Variants in CASQ1 observed in about 807,000 individuals in gnomAD.
CASQ1 encodes the protein calsequestrin 1.
CASQ1 carries 40 observed loss-of-function variants against 49.5 expected under a neutral mutation model. The observed-to-expected ratio is 0.81, with a 90% CI of 0.63 to 1.05. The LOEUF is 1.05. Ranked by LOEUF, CASQ1 falls within the 50% of genes least tolerant of loss-of-function variation. The pLI, the probability that CASQ1 is intolerant of heterozygous loss-of-function variation, is 0.00. For missense variants in CASQ1, 469 were observed against 486.9 expected, an observed-to-expected ratio of 0.96 and a Z score of 0.35; for synonymous variants, 174 against 187.2, an observed-to-expected ratio of 0.93 and a Z score of 0.58.
At chr1:160,199,752 TG>T (rs1654327277) in intron 9 of CASQ1, 98 bp from the exon 10 acceptor site, 2 of 802,206 alleles carry the variant, frequency 2.5e-6, no homozygotes, top group Non-Finnish European at 4.4e-6. Flanking sequence ...CAGTTCGCAC[TG>T]TCCCCTCTCC....
intron 1 of CASQ1, among the ~76,000 whole-genome samples, chr1:160,191,445 C>T (rs1654073647): frequency 6.6e-6 from 1 of 152,174 alleles, no homozygotes; most frequent in Non-Finnish European, 1.5e-5. Flanking sequence ...ACTTCAGGGG[C>T]TGCACCCCAA....
chr1:160,199,590 C>T (rs927891198), intron 9 of CASQ1, among the ~76,000 whole-genome samples: 5 of 152,174 alleles, frequency 3.3e-5, no homozygotes, highest in African/African-American at 1.2e-4. Context: ...AGGATCAGAA[C>T]AGGGTTTCCT....
At chr1:160,195,767 G>T in intron 5 of CASQ1, 130 bp from the exon 6 acceptor site, 1 of 1,047,236 alleles carries the variant, frequency 9.5e-7, no homozygotes, top group Non-Finnish European at 1.4e-6. Context: ...CACTTGTCAG[G>T]TGTCACAGTG....
At chr1:160,192,399 C>A (rs1654099161) in intron 1 of CASQ1, among the ~76,000 whole-genome samples, 1 of 151,306 alleles carries the variant, frequency 6.6e-6, no homozygotes, top group African/African-American at 2.4e-5. Flanking sequence ...AGATCAACCC[C>A]ACACTGAGCT....
Position 160,190,805 on chromosome 1 carries a change from A to ACTGCTGTTGCTGCTGGTG in CASQ1, c.57_74dup (p.Leu20_Leu25dup). ...GAGCTGTGCCGGGTCTGCGGCTGGC[A>ACTGCTGTTGCTGCTGGTG]CTGCTGTTGCTGCTGGTGCTAGGGA... On this transcript the variant is annotated inframe_insertion, in exon 1 of 11. Transcript: ENST00000368078. 1.2e-6 allele frequency: 2 copies of ACTGCTGTTGCTGCTGGTG among 1,614,148 alleles called. No homozygotes were observed. The highest frequency in any genetic ancestry group is 1.7e-6 in the Non-Finnish European group (2 of 1,180,014).
intron 6 of CASQ1, 91 bp from the exon 7 acceptor site, chr1:160,197,478 C>A: frequency 1.1e-6 from 1 of 905,792 alleles, no homozygotes; most frequent in Non-Finnish European, 1.9e-6. Context: ...GTGCCCTGGG[C>A]CTGACCTAGA....
chr1:160,197,384 C>T (rs1354273429), intron 6 of CASQ1, among the ~76,000 whole-genome samples, 185 bp from the exon 7 acceptor site: 1 of 152,252 alleles, frequency 6.6e-6, no homozygotes, highest in Non-Finnish European at 1.5e-5. Context: ...CCCTCTCCCA[C>T]CGCTTTAACC....
intron 6 of CASQ1, among the ~76,000 whole-genome samples, chr1:160,197,342 C>T (rs993348661): frequency 6.6e-6 from 1 of 152,180 alleles, no homozygotes; most frequent in Admixed American, 6.5e-5. Flanking sequence ...CTTTCTCCCC[C>T]AGTCTCTCTT....
chr1:160,199,520 A>T (rs1486500479), intron 9 of CASQ1, among the ~76,000 whole-genome samples: 1 of 152,224 alleles, frequency 6.6e-6, no homozygotes, highest in Non-Finnish European at 1.5e-5. Flanking sequence ...CTTATTTTAG[A>T]AATGTAAGAT....
chr1:160,197,756 T>A (rs188372975), intron 7 of CASQ1, 142 bp downstream of exon 7: 1 of 659,672 alleles, frequency 1.5e-6, no homozygotes, highest in Non-Finnish European at 2.8e-6. Context: ...TGGTGGCTCA[T>A]GCCTGTAATC....
At chr1:160,195,806 T>G in intron 5 of CASQ1, 91 bp from the exon 6 acceptor site, 2 of 1,387,474 alleles carry the variant, frequency 1.4e-6, no homozygotes, top group Non-Finnish European at 2.0e-6. Flanking sequence ...GCTTTCTGAC[T>G]CCCTTCCTAA....
intron 6 of CASQ1, among the ~76,000 whole-genome samples, chr1:160,196,632 C>A (rs1347614268): frequency 8.5e-5 from 13 of 152,160 alleles, no homozygotes; most frequent in Non-Finnish European, 1.3e-4. Flanking sequence ...CACGCCACCA[C>A]ACCTGGCTAA....
intron 5 of CASQ1, 49 bp downstream of exon 5, chr1:160,195,583 T>A: frequency 6.5e-7 from 1 of 1,527,900 alleles, no homozygotes; most frequent in Non-Finnish European, 9.1e-7. Flanking sequence ...CCTGAAGCTG[T>A]CCTCCAGTTT....
At chr1:160,194,053 C>T (rs1654144384) in intron 3 of CASQ1, among the ~76,000 whole-genome samples, 1 of 150,836 alleles carries the variant, frequency 6.6e-6, no homozygotes. Context: ...TATGCATGCA[C>T]ATGCACACAA....
At chr1:160,193,897 G>A in intron 3 of CASQ1, 50 bp downstream of exon 3, 1 of 1,240,886 alleles carries the variant, frequency 8.1e-7, no homozygotes, top group Non-Finnish European at 1.2e-6. Flanking sequence ...TCCACTGCCT[G>A]CCCCCTAGTC....
intron 9 of CASQ1, 86 bp downstream of exon 9, chr1:160,199,139 C>A (rs1654312618): frequency 2.3e-6 from 2 of 869,568 alleles, no homozygotes; most frequent in Non-Finnish European, 3.9e-6. Flanking sequence ...TTTCAGAGGT[C>A]CCATCCCCAC....
intron 5 of CASQ1, 116 bp from the exon 6 acceptor site, chr1:160,195,781 G>A (rs1168000642): frequency 1.1e-5 from 13 of 1,206,678 alleles, no homozygotes; most frequent in African/African-American, 1.5e-5. Flanking sequence ...CACAGTGGCA[G>A]TGACAAGGAT....
chr1:160,201,627 T>C lies in CASQ1; in HGVS notation c.*251T>C. The C allele has an allele frequency of 1.8e-6, 1 of 550,252 alleles. No individual in the cohort carries two copies. The highest frequency in any genetic ancestry group is 2.1e-5 in the South Asian group (1 of 47,030). The allele number at this position is 550,252 out of a possible 1,614,324, so 34.1% of individuals were successfully genotyped here. On this transcript the variant is annotated 3_prime_UTR_variant, in exon 11 of 11. Transcript: ENST00000368078. ...TTATCCCATAACTTACTTGTATCTA[T>C]TATGTGTCTCTTCCATCACTCTCCA... is the stretch of plus-strand genomic sequence containing the variant.
chr1:160,199,623 G>C (rs1238330969), intron 9 of CASQ1, among the ~76,000 whole-genome samples: 1 of 152,102 alleles, frequency 6.6e-6, no homozygotes, highest in Non-Finnish European at 1.5e-5. Context: ...TCAGAAAAGA[G>C]GGGCCAGTGC....
Sources: gnomAD v4.1 joint callset for allele counts (sites outside exome capture counted in the v4.1 genomes callset) on GRCh38, gnomAD v4.1.1 for gene constraint, MANE v1.5 for transcripts, NCBI Gene and HGNC (gene_info 2026-07-23, HGNC 2026-07-21) for gene names.